The following FAM13B variants were observed in gnomAD, a reference collection of about 807,000 sequenced individuals.
FAM13B encodes family with sequence similarity 13 member B.
A neutral mutation model predicts 117.3 loss-of-function variants in FAM13B; 60 were observed. That is an observed-to-expected ratio of 0.51 (90% CI 0.42 to 0.63). The LOEUF is 0.63. Among genes scored for constraint, FAM13B ranks in the 30% least tolerant of loss-of-function variants. The probability of loss-of-function intolerance (pLI) is 0.00; values close to 1 mark genes in which losing one functional copy is unlikely to be tolerated. For synonymous variants in FAM13B, 332 were observed against 356.1 expected (o/e 0.93, Z 0.76); for missense variants, 972 against 1,091.9 (o/e 0.89, Z 1.55).
intron 10 of FAM13B, among the ~76,000 whole-genome samples, chr5:137,968,100 T>C (rs543909810): frequency 2.2e-4 from 34 of 151,160 alleles, no homozygotes; most frequent in African/African-American, 7.8e-4. Flanking sequence ...CGTGTGCCTA[T>C]AATCCCAGCT....
chr5:138,018,245 G>T, intron 4 of FAM13B, 57 bp downstream of exon 4: 1 of 1,338,464 alleles, frequency 7.5e-7, no homozygotes, highest in Non-Finnish European at 1.1e-6. Flanking sequence ...TTTCTAAAAG[G>T]TAAAGACTAG....
chr5:137,988,194 C>T (rs1433484578), intron 8 of FAM13B, 80 bp downstream of exon 8: 4 of 1,091,582 alleles, frequency 3.7e-6, no homozygotes, highest in Non-Finnish European at 5.2e-6. Flanking sequence ...AAAGTGAGCA[C>T]AAGTACATTA....
At chr5:137,941,874 T>C in intron 23 of FAM13B, 70 bp downstream of exon 23, 3 of 1,283,820 alleles carry the variant, frequency 2.3e-6, no homozygotes, top group Non-Finnish European at 3.4e-6. Context: ...ACGTATTCCA[T>C]TATTTCAACA....
At chr5:137,959,245 T>C (rs1240809306) in intron 13 of FAM13B, among the ~76,000 whole-genome samples, 1 of 152,236 alleles carries the variant, frequency 6.6e-6, no homozygotes, top group Non-Finnish European at 1.5e-5. Flanking sequence ...AAGGTAATTA[T>C]ACACGCTCTG....
At chr5:137,943,919 T>C (rs1055705787) in intron 20 of FAM13B, among the ~76,000 whole-genome samples, 4 of 152,184 alleles carry the variant, frequency 2.6e-5, no homozygotes, top group Non-Finnish European at 5.9e-5. Context: ...AAATGTATAA[T>C]TTGGTGGTTT....
intron 1 of FAM13B, among the ~76,000 whole-genome samples, chr5:138,051,022 G>T (rs572249528): frequency 2.7e-5 from 4 of 145,646 alleles, no homozygotes; most frequent in Admixed American, 6.8e-5. Flanking sequence ...GCATATTAGT[G>T]GGGGGGGGAG....
intron 18 of FAM13B, among the ~76,000 whole-genome samples, chr5:137,946,645 T>C (rs1432099053): frequency 6.6e-6 from 1 of 152,242 alleles, no homozygotes; most frequent in Admixed American, 6.5e-5. Context: ...TCGTTCTACC[T>C]TAAAGGGCTC....
intron 4 of FAM13B, among the ~76,000 whole-genome samples, chr5:138,017,566 C>A (rs188126819): frequency 3.3e-5 from 5 of 152,276 alleles, no homozygotes; most frequent in Admixed American, 2.6e-4. Context: ...GCCAACTTTA[C>A]ACATTTTCCT....
chr5:138,027,875 C>T (rs1788859326), intron 1 of FAM13B, among the ~76,000 whole-genome samples: 1 of 152,244 alleles, frequency 6.6e-6, no homozygotes, highest in South Asian at 2.1e-4. Flanking sequence ...CTTCCCCCTT[C>T]ACTTCCTACA....
intron 7 of FAM13B, among the ~76,000 whole-genome samples, chr5:138,002,559 T>G (rs964611811): frequency 1.1e-4 from 16 of 151,704 alleles, no homozygotes; most frequent in African/African-American, 3.9e-4. Flanking sequence ...CAAACAGATA[T>G]CCTTGTTTAG....
chr5:138,017,969 G>A (rs530048706), intron 4 of FAM13B, among the ~76,000 whole-genome samples: 47 of 152,042 alleles, frequency 3.1e-4, no homozygotes, highest in Non-Finnish European at 5.6e-4. Context: ...GGCTACTATT[G>A]GACATTGTGC....
chr5:138,047,239 G>C (rs1352794268), intron 1 of FAM13B, among the ~76,000 whole-genome samples: 1 of 151,252 alleles, frequency 6.6e-6, no homozygotes, highest in African/African-American at 2.4e-5. Context: ...GGGCGCGGTG[G>C]CTCATACCTG....
intron 9 of FAM13B, among the ~76,000 whole-genome samples, chr5:137,986,119 C>A (rs949998974): frequency 1.3e-5 from 2 of 151,714 alleles, no homozygotes; most frequent in Non-Finnish European, 2.9e-5. Flanking sequence ...TTCCCTCTCC[C>A]GCCTTTTCCC....
upstream of FAM13B, among the ~76,000 whole-genome samples, chr5:138,035,805 G>T (rs535039861): frequency 6.6e-6 from 1 of 152,312 alleles, no homozygotes; most frequent in South Asian, 2.1e-4. Context: ...AGAAAAAGGA[G>T]CAGGAAAGTT....
At position 137,938,997 on chromosome 5, in the gene FAM13B, A is replaced by G. The variant is rs1475393876; in HGVS notation, c.*1228T>C. On this transcript the variant is annotated 3_prime_UTR_variant, in exon 24 of 24. Transcript: ENST00000689681. The stretch of plus-strand genomic sequence containing the variant: ...TACTGTTAGCACAAATGAAGTCACC[A>G]TTCTGTAACAATGATTAGCAGAATG... 1 of 152,216 alleles carries G rather than the reference A, an allele frequency of 6.6e-6. No homozygotes were observed. Among genetic ancestry groups the G allele is most frequent in the Admixed American group, 6.5e-5 (1 of 15,280 alleles). The allele number at this position is 152,216 out of a possible 1,614,324, so 9.4% of individuals were successfully genotyped here.
intron 13 of FAM13B, 120 bp from the exon 14 acceptor site, chr5:137,956,662 C>A: frequency 2.1e-6 from 1 of 474,440 alleles, no homozygotes; most frequent in Non-Finnish European, 3.5e-6. Context: ...ACCAGTTAGG[C>A]ATTCTGTTCA....
intron 10 of FAM13B, among the ~76,000 whole-genome samples, chr5:137,978,094 CTT>C (rs1774561608): frequency 6.6e-6 from 1 of 151,702 alleles, no homozygotes; most frequent in African/African-American, 2.4e-5. Flanking sequence ...TTCAAAATAA[CTT>C]TACCTCACAA....
intron 10 of FAM13B, 61 bp downstream of exon 10, chr5:137,985,196 C>G (rs944895300): frequency 4.5e-6 from 7 of 1,539,734 alleles, no homozygotes; most frequent in Admixed American, 3.7e-5. Context: ...CTTCTGGCAT[C>G]AAAGAAACAC....
intron 7 of FAM13B, among the ~76,000 whole-genome samples, chr5:138,003,546 A>G (rs749103403): frequency 2.0e-4 from 31 of 152,208 alleles, no homozygotes; most frequent in Non-Finnish European, 3.7e-4. Context: ...ACAATGGTAG[A>G]CATATCTGTT....
Sources: gnomAD v4.1 joint callset for allele counts (sites outside exome capture counted in the v4.1 genomes callset) on GRCh38, gnomAD v4.1.1 for gene constraint, MANE v1.5 for transcripts, NCBI Gene and HGNC (gene_info 2026-07-23, HGNC 2026-07-21) for gene names.